The following CNBD1 variants were observed in gnomAD, a reference collection of about 807,000 sequenced individuals.
The protein encoded by CNBD1 is cyclic nucleotide binding domain containing 1, also known as cyclic nucleotide-binding domain-containing protein 1.
In CNBD1, 71 loss-of-function variants were observed where a neutral mutation model predicts 54.4. That is an observed-to-expected ratio of 1.30 (90% CI 1.08 to 1.59). The LOEUF (loss-of-function observed/expected upper bound fraction) is 1.59. CNBD1 is among the 40% of genes most tolerant of loss of function. The pLI, the probability that CNBD1 is intolerant of heterozygous loss-of-function variation, is 0.00. For missense variants in CNBD1, 659 were observed against 518.0 expected (o/e 1.27, Z -2.64); for synonymous variants, 182 against 170.7 (o/e 1.07, Z -0.51).
intron 4 of CNBD1, among the ~76,000 whole-genome samples, chr8:87,138,694 A>G (rs1329951963): frequency 1.3e-5 from 2 of 152,182 alleles, no homozygotes; most frequent in Admixed American, 6.6e-5. Context: ...GGGTGTTCCC[A>G]TGGAAACACT....
intron 4 of CNBD1, among the ~76,000 whole-genome samples, chr8:87,008,736 AG>A (rs1809154337): frequency 1.3e-5 from 2 of 152,244 alleles, no homozygotes; most frequent in African/African-American, 4.8e-5. Flanking sequence ...GTTTTGTGCC[AG>A]AATGTTCCTG....
intron 8 of CNBD1, among the ~76,000 whole-genome samples, chr8:87,289,526 G>A (rs937581861): frequency 2.0e-5 from 3 of 151,964 alleles, no homozygotes; most frequent in African/African-American, 7.2e-5. Flanking sequence ...AACTGACTTG[G>A]CAAACATTTA....
intron 4 of CNBD1, among the ~76,000 whole-genome samples, chr8:87,025,666 C>G (rs1293887512): frequency 9.2e-5 from 14 of 152,124 alleles, no homozygotes; most frequent in Admixed American, 9.2e-4. Flanking sequence ...GACAACGAAC[C>G]CAGTGGGTGG....
intron 2 of CNBD1, among the ~76,000 whole-genome samples, chr8:87,426,903 G>T (rs867897836): frequency 6.6e-6 from 1 of 152,132 alleles, no homozygotes; most frequent in Non-Finnish European, 1.5e-5. Context: ...CAAATTTATA[G>T]GTGTGGATAA....
chr8:87,060,801 A>G (rs1293685777), intron 4 of CNBD1, among the ~76,000 whole-genome samples: 2 of 152,160 alleles, frequency 1.3e-5, no homozygotes, highest in African/African-American at 4.8e-5. Context: ...TATATATTAT[A>G]TAGGGAGCAA....
rs192204024 is a variant in CNBD1 at position 87,064,995 on chromosome 8, A to G, written c.431+125241A>G. Among the ~76,000 whole-genome samples, 724 of 152,084 alleles carry G rather than the reference A, an allele frequency of 4.8e-3. 6 individuals carry two copies. Among genetic ancestry groups the G allele is most frequent in the Middle Eastern group, 0.037 (11 of 294 alleles). ...TCATCAATTGTCTCTCCATATTGCAATATGGCAATAATTTTAAAAATAAGT... is the reference window on the plus strand; with the variant it reads ...TCATCAATTGTCTCTCCATATTGCAGTATGGCAATAATTTTAAAAATAAGT... On this transcript the variant is annotated intron_variant, in intron 4 of 10. Coordinates refer to ENST00000518476, the MANE Select transcript of CNBD1 (RefSeq NM_173538.3).
At chr8:86,960,069 A>G (rs1282930088) in intron 4 of CNBD1, among the ~76,000 whole-genome samples, 1 of 152,160 alleles carries the variant, frequency 6.6e-6, no homozygotes, top group Non-Finnish European at 1.5e-5. Context: ...TCCCAGTGTA[A>G]GCAATGCACA....
chr8:87,391,168 A>AC (rs1469214014), intron 2 of CNBD1, among the ~76,000 whole-genome samples: 3 of 152,068 alleles, frequency 2.0e-5, no homozygotes, highest in Non-Finnish European at 4.4e-5. Context: ...GTGCAGCACA[A>AC]CAACATGGCA....
At position 87,166,154 on chromosome 8, in the gene CNBD1, T is replaced by C. The variant is rs1812958413; in HGVS notation, c.432-39839T>C. 6.6e-6 allele frequency among the ~76,000 whole-genome samples: 1 copy of C among 151,894 alleles called. No individual in the cohort carries two copies. Among genetic ancestry groups the C allele is most frequent in the Non-Finnish European group, 1.5e-5 (1 of 67,892 alleles). On this transcript the variant is annotated intron_variant, in intron 4 of 10. Coordinates refer to ENST00000518476, the MANE Select transcript of CNBD1 (RefSeq NM_173538.3). This position sits in a 1 kb window ranked among gnomAD's most constrained non-coding sequence, Gnocchi z 4.3. Reference sequence around the variant, plus strand: ...ACCTCTTAAACTGTTCTTTTTCCCTTCCTCTCTCTCAATAAATGAGACTAG... The same window carrying C: ...ACCTCTTAAACTGTTCTTTTTCCCTCCCTCTCTCTCAATAAATGAGACTAG...
chr8:87,263,704 T>A (rs1214570756), intron 6 of CNBD1, among the ~76,000 whole-genome samples: 1 of 152,128 alleles, frequency 6.6e-6, no homozygotes. Context: ...TCCTAACCTT[T>A]GGTACTTTAC....
chr8:86,874,642 T>C lies in CNBD1; in HGVS notation c.88+8059T>C, dbSNP rs928827853. On this transcript the variant is annotated intron_variant, in intron 1 of 10. Coordinates refer to ENST00000518476, the MANE Select transcript of CNBD1 (RefSeq NM_173538.3). ...TGGGTTAAAAAATAAAAATTAAATA[T>C]AGGAACTCTGGGGTTTCTATTTTAT... 8.5e-5 allele frequency among the ~76,000 whole-genome samples: 13 copies of C among 152,250 alleles called. 1 individual carries two copies. The Middle Eastern group carries it at 0.01, about 120-fold the overall frequency.
intron 1 of CNBD1, among the ~76,000 whole-genome samples, chr8:86,867,954 TC>T (rs1010993507): frequency 7.9e-5 from 12 of 152,168 alleles, no homozygotes; most frequent in Non-Finnish European, 1.6e-4. Context: ...CTCCCAGTGT[TC>T]CTTTAGAGGT....
chr8:87,302,035 T>C (rs1227426679), intron 8 of CNBD1, among the ~76,000 whole-genome samples: 2 of 152,150 alleles, frequency 1.3e-5, no homozygotes, highest in African/African-American at 2.4e-5. Context: ...CCAGACGGAT[T>C]CACAGCCGAA....
Position 87,339,864 on chromosome 8 carries a change from T to A in CNBD1, c.1043-11821T>A, listed in dbSNP as rs138603540. 4.3e-3 allele frequency among the ~76,000 whole-genome samples: 649 copies of A among 152,282 alleles called. 7 individuals are homozygous for A. Among genetic ancestry groups the A allele is most frequent in the African/African-American group, 0.015 (620 of 41,568 alleles). ...TTATTTATTAACGTATTTCTATAAT[T>A]ATAATTTTTATTCATTTTGCTTTTA... On this transcript the variant is annotated intron_variant, in intron 8 of 10. Transcript: ENST00000518476.
In CNBD1 at chr8:87,296,991, T is replaced by C. The variant is rs569134762; in HGVS notation, c.1042+10320T>C. ...GAAATCAAGGCCATCCTAGCTAACA[T>C]GGTGAAACCCCTTCTCTACTAAAAA... On this transcript the variant is annotated intron_variant, in intron 8 of 10. Transcript: ENST00000518476. Among the ~76,000 whole-genome samples, 5 of 151,820 alleles carry C rather than the reference T, an allele frequency of 3.3e-5. No individual in the cohort carries two copies. The East Asian group carries it at 9.7e-4, about 30-fold the overall frequency.
chr8:87,064,055 GTATTCCTTCTT>G (rs1458003053), intron 4 of CNBD1, among the ~76,000 whole-genome samples: 4 of 151,876 alleles, frequency 2.6e-5, no homozygotes, highest in Non-Finnish European at 5.9e-5. Context: ...GTTGAAAGCT[GTATTCCTTCTT>G]TCTAATCTTT....
At position 86,871,960 on chromosome 8, in the gene CNBD1, T is replaced by G. The variant is rs555922150; in HGVS notation, c.88+5377T>G. Among the ~76,000 whole-genome samples, 13 of 152,336 alleles carry G rather than the reference T, an allele frequency of 8.5e-5. No homozygotes were observed. In the East Asian group the frequency reaches 2.3e-3, roughly 27 times the overall value. ...TTCCAAGTTTCCTGTAAGAAATCTC[T>G]CAATTACTAGAGTTAAAGTACTCAG... On this transcript the variant is annotated intron_variant, in intron 1 of 10. Coordinates refer to ENST00000518476, the MANE Select transcript of CNBD1 (RefSeq NM_173538.3).
At chr8:87,312,042 G>A (rs1563547634) in intron 8 of CNBD1, among the ~76,000 whole-genome samples, 2 of 151,930 alleles carry the variant, frequency 1.3e-5, no homozygotes, top group Non-Finnish European at 2.9e-5. Flanking sequence ...CCAAACCACA[G>A]CATCACGCGA....
chr8:87,296,631 A>AT, intron 8 of CNBD1, among the ~76,000 whole-genome samples: 1 of 151,736 alleles, frequency 6.6e-6, no homozygotes, highest in Middle Eastern at 3.5e-3. Context: ...ATATATATAC[A>AT]TATATATGTG....
Sources: gnomAD v4.1 joint callset for allele counts (sites outside exome capture counted in the v4.1 genomes callset) on GRCh38, gnomAD v4.1.1 for gene constraint, Gnocchi (gnomAD v3.1) non-coding constraint, MANE v1.5 for transcripts, NCBI Gene and HGNC (gene_info 2026-07-23, HGNC 2026-07-21) for gene names.